ANKRD11: variants seen among roughly 807,000 people sequenced by gnomAD.
ANKRD11 encodes ankyrin repeat domain 11.
Under a neutral mutation model 195.7 loss-of-function variants are expected in ANKRD11, and 17 were observed. The ratio of observed to expected loss-of-function variants is 0.09; its 90% CI spans 0.06 to 0.13. The LOEUF (loss-of-function observed/expected upper bound fraction) is 0.13, where lower values mean the gene tolerates loss of function less well. Among genes scored for constraint, ANKRD11 ranks in the 10% least tolerant of loss-of-function variants. The pLI, the probability that ANKRD11 is intolerant of heterozygous loss-of-function variation, is 1.00. For synonymous variants in ANKRD11, 1,953 were observed against 1,528.1 expected (o/e 1.28, Z -6.49); for missense variants, 3,735 against 3,566.1 (o/e 1.05, Z -1.21).
At chr16:89,376,018 A>C (rs1447421133) in intron 2 of ANKRD11, among the ~76,000 whole-genome samples, 1 of 152,228 alleles carries the variant, frequency 6.6e-6, no homozygotes, top group Admixed American at 6.5e-5. Context: ...AAGGGCCATC[A>C]CAAAAAAAGA....
intron 3 of ANKRD11, among the ~76,000 whole-genome samples, chr16:89,305,869 GCA>G (rs1321820395): frequency 1.5e-5 from 1 of 65,456 alleles, no homozygotes; most frequent in South Asian, 5.7e-4. Context: ...CCGCAGACAC[GCA>G]CCACCCACCT....
chr16:89,300,321 CCA>C (rs2035770085), intron 4 of ANKRD11: 1 of 210,622 alleles, frequency 4.7e-6, no homozygotes, highest in Non-Finnish European at 9.7e-6. Context: ...GCTAACATCC[CCA>C]CACACGTGAG....
At chr16:89,432,985 TCTCTC>T (rs1381512846) in intron 1 of ANKRD11, among the ~76,000 whole-genome samples, 388 of 131,674 alleles carry the variant, frequency 2.9e-3, no homozygotes, top group African/African-American at 8.6e-3. Flanking sequence ...TCTCTCTCTC[TCTCTC>T]CTCTCTCTCA....
intron 1 of ANKRD11, among the ~76,000 whole-genome samples, chr16:89,456,955 G>C (rs1234135223): frequency 9.8e-6 from 1 of 101,818 alleles, no homozygotes; most frequent in Admixed American, 1.1e-4. Context: ...CGTTATGTGA[G>C]TCTTTTTTTT....
chr16:89,474,074 C>T (rs1390457284), intron 1 of ANKRD11, among the ~76,000 whole-genome samples: 1 of 152,156 alleles, frequency 6.6e-6, no homozygotes, highest in South Asian at 2.1e-4. Flanking sequence ...AAGGGACAGT[C>T]AACAAGAAAA....
chr16:89,420,197 TCA>T (rs1280156223), intron 1 of ANKRD11: 1 of 152,014 alleles, frequency 6.6e-6, no homozygotes, highest in Non-Finnish European at 1.5e-5. Context: ...GTAAAAGAGC[TCA>T]GAGAGGGGAA....
chr16:89,383,525 T>C (rs1456285002), intron 2 of ANKRD11, among the ~76,000 whole-genome samples: 1 of 152,190 alleles, frequency 6.6e-6, no homozygotes, highest in Non-Finnish European at 1.5e-5. Context: ...CTGCCTCCTG[T>C]GTCTGCAAGA....
At chr16:89,443,231 C>T (rs892548599) in intron 1 of ANKRD11, 1 of 152,190 alleles carries the variant, frequency 6.6e-6, no homozygotes, top group Admixed American at 6.5e-5. Flanking sequence ...CTCCAAAGTG[C>T]TGGGATTACA....
intron 4 of ANKRD11, chr16:89,298,070 C>T (rs1476180586): frequency 6.6e-6 from 1 of 152,216 alleles, no homozygotes; most frequent in African/African-American, 2.4e-5. Flanking sequence ...ACCAGTTCCA[C>T]AGGAAGCCTG....
chr16:89,327,975 A>C (rs889666400), intron 2 of ANKRD11, among the ~76,000 whole-genome samples: 5 of 152,268 alleles, frequency 3.3e-5, no homozygotes, highest in African/African-American at 1.2e-4. Flanking sequence ...AAATATCTGC[A>C]AATCACAAGT....
rs2034333929 is a variant in ANKRD11 at position 89,282,404 on chromosome 16, A to C, written c.4138T>G (p.Tyr1380Asp). 1.2e-6 allele frequency: 2 copies of C among 1,613,556 alleles called. No individual in the cohort carries two copies. Residue 1380 changes from tyrosine to aspartate, a missense_variant, in exon 9 of 13, where the codon TAC becomes GAC. Transcript: ENST00000301030. The part of the protein sequence containing the change: ...KAEKKEKGED[Y>D]KEGGSRKDSG... Reference sequence around the variant, plus strand: ...TCCTTCCTGCTACCGCCCTCCTTGTAATCTTCGCCCTTCTCTTTCTTCTCG... The same window carrying C: ...TCCTTCCTGCTACCGCCCTCCTTGTCATCTTCGCCCTTCTCTTTCTTCTCG...
chr16:89,381,435 T>C (rs1037129223), intron 2 of ANKRD11, among the ~76,000 whole-genome samples: 2 of 151,432 alleles, frequency 1.3e-5, no homozygotes, highest in African/African-American at 4.9e-5. Context: ...CCTACCAGTT[T>C]AGGGTTATTG....
At chr16:89,397,023 A>ATT (rs4031015) in intron 2 of ANKRD11, among the ~76,000 whole-genome samples, 14 of 147,216 alleles carry the variant, frequency 9.5e-5, no homozygotes, top group South Asian at 4.3e-4. Context: ...AAAATACAGG[A>ATT]TTTTTTTTTT....
At chr16:89,390,835 GCC>G (rs2152123471) in intron 2 of ANKRD11, among the ~76,000 whole-genome samples, 1 of 152,298 alleles carries the variant, frequency 6.6e-6, no homozygotes, top group African/African-American at 2.4e-5. Context: ...CACATGCCCT[GCC>G]CTCCGCATCT....
At chr16:89,411,979 G>A (rs1176302326) in intron 2 of ANKRD11, among the ~76,000 whole-genome samples, 15 of 124,956 alleles carry the variant, frequency 1.2e-4, no homozygotes, top group African/African-American at 4.4e-4. Flanking sequence ...GCCAGGTACT[G>A]GGCTGAGATG....
chr16:89,273,554 G>A (rs565853264), intron 11 of ANKRD11, among the ~76,000 whole-genome samples: 15 of 151,954 alleles, frequency 9.9e-5, no homozygotes, highest in Admixed American at 4.6e-4. Context: ...AAAATCAGCC[G>A]GGCATGGTAG....
At chr16:89,323,160 C>T (rs1040062501) in intron 2 of ANKRD11, 8 of 422,166 alleles carry the variant, frequency 1.9e-5, no homozygotes, top group Non-Finnish European at 3.0e-5. Flanking sequence ...CCAGCGGCTG[C>T]GTCAGGAGTG....
At chr16:89,337,790 G>A (rs2038449871) in intron 2 of ANKRD11, among the ~76,000 whole-genome samples, 1 of 152,126 alleles carries the variant, frequency 6.6e-6, no homozygotes, top group Non-Finnish European at 1.5e-5. Context: ...TTTCCTAGGT[G>A]GAAAGCAAGT....
chr16:89,304,471 TG>T (rs1278695388), intron 4 of ANKRD11, among the ~76,000 whole-genome samples: 1 of 149,228 alleles, frequency 6.7e-6, no homozygotes, highest in East Asian at 2.0e-4. Flanking sequence ...CAGGCACACA[TG>T]GGCACACATA....
Sources: allele counts gnomAD v4.1 joint callset (sites outside exome capture counted in the v4.1 genomes callset), GRCh38; gene constraint gnomAD v4.1.1; transcripts MANE v1.5; gene names NCBI Gene and HGNC (gene_info 2026-07-23, HGNC 2026-07-21).